The following THSD4 variants were observed in gnomAD, a reference collection of about 807,000 sequenced individuals.
THSD4 encodes thrombospondin type 1 domain containing 4, also known as thrombospondin type-1 domain-containing protein 4.
In THSD4, 69 loss-of-function variants were observed where a neutral mutation model predicts 119.0. The ratio of observed to expected loss-of-function variants is 0.58; its 90% CI spans 0.48 to 0.71. THSD4 has a LOEUF of 0.71. Ranked by LOEUF, THSD4 falls within the 30% of genes least tolerant of loss-of-function variation. The pLI, the probability that THSD4 is intolerant of heterozygous loss-of-function variation, is 0.00. For missense variants in THSD4, 1,393 were observed against 1,391.1 expected (o/e 1.00, Z -0.02); for synonymous variants, 524 against 540.4 (o/e 0.97, Z 0.42).
chr15:71,762,178 C>CACACACACACAGAG (rs55645600), intron 15 of THSD4, among the ~76,000 whole-genome samples: 1 of 147,498 alleles, frequency 6.8e-6, no homozygotes, highest in African/African-American at 2.5e-5. Context: ...CACACACACA[C>CACACACACACAGAG]AGAGATAGAG....
At position 71,418,349 on chromosome 15, in the gene THSD4, A is replaced by G. The variant is rs1387842316; in HGVS notation, c.1152+6526A>G. On this transcript the variant is annotated intron_variant, in intron 7 of 17. Coordinates refer to ENST00000261862, the MANE Select transcript of THSD4 (RefSeq NM_024817.3). ...TTGTCTTGTTCCAGATCTTAGAGGAAAGGCTTTTGGTTTTTCTCTATTCAG... is the reference window on the plus strand; with the variant it reads ...TTGTCTTGTTCCAGATCTTAGAGGAGAGGCTTTTGGTTTTTCTCTATTCAG... Among the ~76,000 whole-genome samples the G allele has an allele frequency of 1.8e-5, 2 of 108,466 alleles. 1 individual carries two copies. Among genetic ancestry groups the G allele is most frequent in the African/African-American group, 6.3e-5 (2 of 31,868 alleles). The allele number at this position is 108,466 out of a possible 152,430, so 71.2% of individuals were successfully genotyped here.
At chr15:71,376,965 G>T (rs568898202) in intron 6 of THSD4, among the ~76,000 whole-genome samples, 1 of 152,184 alleles carries the variant, frequency 6.6e-6, no homozygotes, top group African/African-American at 2.4e-5. Context: ...GATGCTGTAC[G>T]AATACTCACC....
At chr15:71,608,708 AG>A (rs2050164068) in intron 7 of THSD4, among the ~76,000 whole-genome samples, 1 of 152,194 alleles carries the variant, frequency 6.6e-6, no homozygotes, top group Non-Finnish European at 1.5e-5. Context: ...CTTTCCAAAA[AG>A]TCCTTCTAAT....
At chr15:71,530,801 C>G (rs1023216530) in intron 7 of THSD4, among the ~76,000 whole-genome samples, 1 of 136,326 alleles carries the variant, frequency 7.3e-6, no homozygotes, top group Non-Finnish European at 1.6e-5. Context: ...GTACCAAGCC[C>G]CCGAAAAAAA....
At chr15:71,594,115 C>G (rs963659466) in intron 7 of THSD4, among the ~76,000 whole-genome samples, 13 of 152,056 alleles carry the variant, frequency 8.5e-5, no homozygotes, top group Non-Finnish European at 1.5e-4. Flanking sequence ...CTTTTCCTGC[C>G]CGGTCCCTCT....
At chr15:71,338,704 G>T (rs1248033704) in intron 6 of THSD4, among the ~76,000 whole-genome samples, 3 of 152,144 alleles carry the variant, frequency 2.0e-5, no homozygotes, top group Admixed American at 2.0e-4. Flanking sequence ...GAGATTATTA[G>T]AAGGAAAAGA....
At chr15:71,738,174 C>T (rs1216669517) in intron 11 of THSD4, 167 bp downstream of exon 11, 11 of 876,746 alleles carry the variant, frequency 1.3e-5, no homozygotes, top group Non-Finnish European at 1.9e-5. Flanking sequence ...CTGGGTGAAA[C>T]TGCCCTATCG....
chr15:71,518,300 A>G (rs1385825212), intron 7 of THSD4, among the ~76,000 whole-genome samples: 1 of 152,024 alleles, frequency 6.6e-6, no homozygotes, highest in Non-Finnish European at 1.5e-5. Flanking sequence ...TACCTTGGAA[A>G]TTTTTATCTG....
chr15:71,509,083 C>G (rs1159133787), intron 7 of THSD4, among the ~76,000 whole-genome samples: 2 of 151,998 alleles, frequency 1.3e-5, no homozygotes, highest in Non-Finnish European at 2.9e-5. Flanking sequence ...ACTCATACTC[C>G]TACATGTCAT....
At chr15:71,098,238 T>C (rs2040240023) in intron 1 of THSD4, among the ~76,000 whole-genome samples, 1 of 145,344 alleles carries the variant, frequency 6.9e-6, no homozygotes, top group Non-Finnish European at 1.5e-5. Flanking sequence ...TCCCGCTCTG[T>C]CACCCAGGCT....
At chr15:71,432,149 A>G (rs28802605) in intron 7 of THSD4, among the ~76,000 whole-genome samples, 5,398 of 152,240 alleles carry the variant, frequency 0.035, 303 homozygotes, top group African/African-American at 0.12. Context: ...ATATAACTCA[A>G]GGAAAACTAA....
chr15:71,475,598 A>G (rs2047644652), intron 7 of THSD4, among the ~76,000 whole-genome samples: 1 of 152,088 alleles, frequency 6.6e-6, no homozygotes, highest in Admixed American at 6.6e-5. Flanking sequence ...CAAGGACCAC[A>G]CTCTAAGTAG....
At chr15:71,768,398 TG>T (rs1487465635) in intron 16 of THSD4, among the ~76,000 whole-genome samples, 2 of 152,020 alleles carry the variant, frequency 1.3e-5, no homozygotes, top group South Asian at 4.1e-4. Context: ...ATCCAGACTA[TG>T]GGCAACTGCA....
rs1040381361 is a variant in THSD4 at position 71,225,539 on chromosome 15, C to CTTTT, written c.464+10148_464+10151dup. 1.3e-3 allele frequency among the ~76,000 whole-genome samples: 136 copies of CTTTT among 105,344 alleles called. 4 individuals carry two copies. Among genetic ancestry groups the CTTTT allele is most frequent in the South Asian group, 2.0e-3 (6 of 2,994 alleles). 69.1% of individuals were successfully genotyped at this position (105,344 alleles called of 152,430 possible). ...CAGCTCTCAAACACATTTTCTTTTT[C>CTTTT]TTTTTTTTTTTCTTTTTTTTTTTTT... On this transcript the variant is annotated intron_variant, in intron 4 of 17. Transcript: ENST00000261862.
At chr15:71,134,885 A>G (rs966749827) in intron 1 of THSD4, among the ~76,000 whole-genome samples, 6 of 151,762 alleles carry the variant, frequency 4.0e-5, no homozygotes, top group Admixed American at 2.0e-4. Context: ...CCAAATGACT[A>G]TAAATCATGC....
intron 7 of THSD4, among the ~76,000 whole-genome samples, chr15:71,436,014 C>T (rs1304287514): frequency 1.3e-5 from 2 of 152,202 alleles, no homozygotes; most frequent in African/African-American, 2.4e-5. Flanking sequence ...AAATCACACC[C>T]CCAGAGGCAG....
At chr15:71,552,531 G>A (rs1303881639) in intron 7 of THSD4, among the ~76,000 whole-genome samples, 4 of 152,180 alleles carry the variant, frequency 2.6e-5, no homozygotes, top group Admixed American at 1.3e-4. Context: ...TCTTTTTCTA[G>A]TATCTAAAAT....
At chr15:71,686,527 T>C (rs182110441) in intron 8 of THSD4, among the ~76,000 whole-genome samples, 149 of 152,332 alleles carry the variant, frequency 9.8e-4, no homozygotes, top group Admixed American at 2.3e-3. Flanking sequence ...TGTCAGTTGA[T>C]ATAAACCATG....
At chr15:71,615,738 C>G (rs1240084306) in intron 7 of THSD4, among the ~76,000 whole-genome samples, 1 of 152,128 alleles carries the variant, frequency 6.6e-6, no homozygotes, top group Non-Finnish European at 1.5e-5. Flanking sequence ...AGGGTGTAAA[C>G]AACAGCGAAA....
Sources: allele counts gnomAD v4.1 joint callset (sites outside exome capture counted in the v4.1 genomes callset), GRCh38; gene constraint gnomAD v4.1.1; transcripts MANE v1.5; gene names NCBI Gene and HGNC (gene_info 2026-07-23, HGNC 2026-07-21).